The following SUGCT variants were observed in gnomAD, a reference collection of about 807,000 sequenced individuals.
SUGCT encodes succinyl-CoA:glutarate-CoA transferase, also known as succinyl-CoA:glutarate CoA-transferase.
In SUGCT, 41 loss-of-function variants were observed where a neutral mutation model predicts 55.0. That is an observed-to-expected ratio of 0.74 (90% CI 0.58 to 0.97). The LOEUF (loss-of-function observed/expected upper bound fraction) is 0.97. Ranked by LOEUF, SUGCT falls within the 50% of genes least tolerant of loss-of-function variation. SUGCT has a pLI of 0.00. For missense variants in SUGCT, 568 were observed against 547.8 expected (o/e 1.04, Z -0.37); for synonymous variants, 187 against 200.4 (o/e 0.93, Z 0.56).
chr7:40,441,625 T>G (rs1788520938), intron 9 of SUGCT, among the ~76,000 whole-genome samples: 1 of 152,200 alleles, frequency 6.6e-6, no homozygotes. Flanking sequence ...AAGATATTCA[T>G]GTAACTGCAT....
At chr7:40,940,697 A>G in the SUGCT span, among the ~76,000 whole-genome samples, 1 of 152,086 alleles carries the variant, frequency 6.6e-6, no homozygotes, top group Non-Finnish European at 1.5e-5. Flanking sequence ...TTTTTGGTGT[A>G]TAGCCATGCT....
At chr7:40,161,753 A>G (rs530770985) in intron 1 of SUGCT, among the ~76,000 whole-genome samples, 2 of 152,270 alleles carry the variant, frequency 1.3e-5, no homozygotes, top group East Asian at 3.9e-4. Flanking sequence ...TAACTTCAGG[A>G]TGGCCCGTTA....
chr7:40,283,743 C>T (rs541206796), intron 8 of SUGCT, among the ~76,000 whole-genome samples: 18 of 152,116 alleles, frequency 1.2e-4, no homozygotes, highest in South Asian at 6.2e-4. Flanking sequence ...TTAGTATAGC[C>T]GTTATGGAAA....
At chr7:40,187,173 A>T (rs866650349) in intron 3 of SUGCT, among the ~76,000 whole-genome samples, 1 of 152,164 alleles carries the variant, frequency 6.6e-6, no homozygotes, top group Admixed American at 6.5e-5. Flanking sequence ...TTCTCAGCAA[A>T]CTATCACAAG....
intron 12 of SUGCT, among the ~76,000 whole-genome samples, chr7:40,740,703 A>T (rs1787414145): frequency 6.6e-6 from 1 of 151,952 alleles, no homozygotes. Context: ...TTCAATCCCT[A>T]ACTTGTGACC....
chr7:41,038,691 A>C, the SUGCT span, among the ~76,000 whole-genome samples: 1 of 152,118 alleles, frequency 6.6e-6, no homozygotes, highest in South Asian at 2.1e-4. Flanking sequence ...AGGAGAACAC[A>C]TTAATCAATG....
At chr7:40,349,992 C>T (rs1355498728) in intron 9 of SUGCT, among the ~76,000 whole-genome samples, 1 of 152,118 alleles carries the variant, frequency 6.6e-6, no homozygotes, top group African/African-American at 2.4e-5. Flanking sequence ...CCAGCTTTTC[C>T]TATATTTTTG....
chr7:40,555,605 G>A (rs1015146944), intron 12 of SUGCT, among the ~76,000 whole-genome samples: 2 of 152,034 alleles, frequency 1.3e-5, no homozygotes, highest in African/African-American at 4.8e-5. Flanking sequence ...TTTACACGTA[G>A]CCTGCTGGAC....
chr7:40,280,129 T>A (rs1276196389), intron 8 of SUGCT, among the ~76,000 whole-genome samples: 1 of 152,202 alleles, frequency 6.6e-6, no homozygotes, highest in East Asian at 1.9e-4. Flanking sequence ...AACTCAGAAA[T>A]GATTGCCTCA....
At chr7:40,827,425 C>T (rs1490184870) in intron 13 of SUGCT, among the ~76,000 whole-genome samples, 1 of 152,098 alleles carries the variant, frequency 6.6e-6, no homozygotes, top group Non-Finnish European at 1.5e-5. Flanking sequence ...AAAGAGGCTG[C>T]TGGGGTCAGA....
At chr7:40,807,520 A>G (rs528938921) in intron 13 of SUGCT, among the ~76,000 whole-genome samples, 1 of 152,312 alleles carries the variant, frequency 6.6e-6, no homozygotes, top group South Asian at 2.1e-4. Flanking sequence ...AAAGCAGTCA[A>G]AAAGCTGAGA....
intron 12 of SUGCT, among the ~76,000 whole-genome samples, chr7:40,576,796 G>C (rs1025779443): frequency 4.6e-5 from 7 of 152,178 alleles, no homozygotes; most frequent in Non-Finnish European, 1.0e-4. Flanking sequence ...TGTAGTAGGG[G>C]AGAAGGCCTG....
chr7:40,487,959 G>A (rs1211554715), intron 11 of SUGCT, among the ~76,000 whole-genome samples: 2 of 151,202 alleles, frequency 1.3e-5, no homozygotes, highest in Non-Finnish European at 3.0e-5. Flanking sequence ...AAACCAACTG[G>A]TTTTTCTTTC....
At chr7:40,911,362 C>T in the SUGCT span, among the ~76,000 whole-genome samples, 3 of 152,058 alleles carry the variant, frequency 2.0e-5, no homozygotes, top group African/African-American at 7.2e-5. Context: ...TTAAAATCTT[C>T]TATGTGAGAG....
chr7:40,601,951 G>A (rs369026589), intron 12 of SUGCT, among the ~76,000 whole-genome samples: 1 of 152,136 alleles, frequency 6.6e-6, no homozygotes, highest in African/African-American at 2.4e-5. Context: ...GCATTTTAAA[G>A]CACTCAACAT....
At chr7:40,392,123 G>C (rs545710500) in intron 9 of SUGCT, among the ~76,000 whole-genome samples, 1 of 152,084 alleles carries the variant, frequency 6.6e-6, no homozygotes. Flanking sequence ...GTCACACACC[G>C]GGGCCTGTCG....
the SUGCT span, among the ~76,000 whole-genome samples, chr7:40,990,863 C>A: frequency 2.6e-4 from 40 of 152,310 alleles, no homozygotes; most frequent in African/African-American, 8.4e-4. Context: ...CATTTCTCAG[C>A]TTTCACAGAA....
At chr7:40,931,372 T>C in the SUGCT span, among the ~76,000 whole-genome samples, 1 of 152,134 alleles carries the variant, frequency 6.6e-6, no homozygotes, top group Admixed American at 6.6e-5. Context: ...GAGATATTGG[T>C]CTAAAATTCT....
intron 12 of SUGCT, among the ~76,000 whole-genome samples, chr7:40,553,410 T>C (rs568234616): frequency 6.6e-6 from 1 of 152,330 alleles, no homozygotes; most frequent in South Asian, 2.1e-4. Context: ...CATGGAAAAT[T>C]GACCGCGAAT....
Sources: allele counts gnomAD v4.1 joint callset (sites outside exome capture counted in the v4.1 genomes callset), GRCh38; gene constraint gnomAD v4.1.1; transcripts MANE v1.5; gene names NCBI Gene and HGNC (gene_info 2026-07-23, HGNC 2026-07-21).